The following INO80E variants were observed in gnomAD, a reference collection of about 807,000 sequenced individuals.
The protein encoded by INO80E is coiled-coil domain containing 95.
INO80E carries 20 observed loss-of-function variants against 27.3 expected under a neutral mutation model. The observed-to-expected ratio is 0.73, with a 90% CI of 0.51 to 1.06. INO80E has a LOEUF of 1.06. Ranked by LOEUF, INO80E falls within the 50% of genes least tolerant of loss-of-function variation. The pLI, the probability that INO80E is intolerant of heterozygous loss-of-function variation, is 0.00. For synonymous variants in INO80E, 167 were observed against 145.9 expected, an observed-to-expected ratio of 1.14 and a Z score of -1.04; for missense variants, 357 against 322.8, an observed-to-expected ratio of 1.11 and a Z score of -0.81.
rs1192832241 is a variant in INO80E, at chr16:29,996,529, C to T, written c.82-18C>T. On this transcript the variant is annotated intron_variant, in intron 1 of 6. Coordinates refer to ENST00000563197, the MANE Select transcript of INO80E (RefSeq NM_173618.3). ...ACGGAGGACCGTTGGCCCAGCGCAC[C>T]CCTTGCCCGTGATACAGGAGCACGA... 1 of 1,558,664 alleles carries T rather than the reference C, an allele frequency of 6.4e-7. No homozygotes were observed. Among genetic ancestry groups the T allele is most frequent in the Admixed American group, 1.9e-5 (1 of 51,580 alleles).
chr16:29,996,319 GC>G lies in INO80E; in HGVS notation c.11del (p.Pro4ArgfsTer15). 2 of 1,594,802 alleles carry G rather than the reference GC, an allele frequency of 1.3e-6. No homozygotes were observed. The highest frequency in any genetic ancestry group is 8.5e-7 in the Non-Finnish European group (1 of 1,170,828). MNG[P>X]ADGEVDYKKK... Reference sequence around the variant, plus strand: ...CCACTCCCGGGCCGGTCATGAACGGGCCGGCGGACGGCGAAGTGGACTACAA... The same window carrying G: ...CCACTCCCGGGCCGGTCATGAACGGGCGGCGGACGGCGAAGTGGACTACAA... On this transcript the variant is annotated frameshift_variant, in exon 1 of 7. Transcript: ENST00000563197. LOFTEE classifies it high-confidence loss of function.
At position 30,001,421 on chromosome 16, in the gene INO80E, C is replaced by G. The variant is rs777046345; in HGVS notation, c.404C>G (p.Ser135Cys). ...CCCCGCTCCCGCCCGCAGCTGGCCT[C>G]CTCCCGCTACCCCCCATTCCCTTCT... ...VPSPYLSSLA[S>C]SRYPPFPSDY... Residue 135 changes from serine (S) to cysteine (C), a missense_variant, in exon 6 of 7, where the codon TCC (serine) becomes TGC (cysteine). By Grantham distance (112) the Ser-to-Cys change is moderately radical. Transcript: ENST00000563197. 6.3e-7 allele frequency: 1 copy of G among 1,598,692 alleles called. No individual in the cohort carries two copies. Among genetic ancestry groups the G allele is most frequent in the Non-Finnish European group, 8.5e-7 (1 of 1,171,898 alleles).
At chr16:30,001,743 G>A in intron 6 of INO80E, 1 of 537,432 alleles carries the variant, frequency 1.9e-6, no homozygotes, top group Non-Finnish European at 3.3e-6. Context: ...GACCCGGTGT[G>A]CAGATGCCAG....
chr16:29,999,568 G>A (rs2070270025), intron 3 of INO80E: 1 of 152,238 alleles, frequency 6.6e-6, no homozygotes, highest in African/African-American at 2.4e-5. Context: ...CTTCTTAAAG[G>A]GTCTGTCTGA....
intron 6 of INO80E, chr16:30,002,924 C>T (rs1596679058): frequency 6.6e-6 from 1 of 152,322 alleles, no homozygotes; most frequent in African/African-American, 2.4e-5. Context: ...GTCTGGAGTA[C>T]AGGATCTGGA....
intron 3 of INO80E, among the ~76,000 whole-genome samples, chr16:29,997,328 G>A (rs1344935283): frequency 3.3e-5 from 5 of 152,012 alleles, no homozygotes; most frequent in Admixed American, 6.5e-5. Context: ...AGTAGCAGCC[G>A]TACCCCATAG....
At chr16:30,000,579 G>T (rs1259162739) in intron 3 of INO80E, among the ~76,000 whole-genome samples, 179 bp from the exon 4 acceptor site, 1 of 152,176 alleles carries the variant, frequency 6.6e-6, no homozygotes, top group Non-Finnish European at 1.5e-5. Flanking sequence ...TGTCCAGGCT[G>T]CTCTTGAACT....
chr16:30,000,631 C>A, intron 3 of INO80E, 127 bp from the exon 4 acceptor site: 1 of 717,838 alleles, frequency 1.4e-6, no homozygotes, highest in Non-Finnish European at 2.4e-6. Context: ...TCTCACAGTG[C>A]TGGGATTCCA....
Position 29,996,821 on chromosome 16 carries a change from C to A in INO80E, c.166C>A (p.Arg56=). 1 of 1,614,124 alleles carries A rather than the reference C, an allele frequency of 6.2e-7. No homozygotes were observed. Among genetic ancestry groups the A allele is most frequent in the South Asian group, 1.1e-5 (1 of 91,078 alleles). Residue 56 remains arginine (R), a synonymous_variant, in exon 3 of 7, where the codon CGA becomes AGA. Coordinates refer to ENST00000563197, the MANE Select transcript of INO80E (RefSeq NM_173618.3). ...VSRDKSFLLD[R]LLQYENVDED... The stretch of plus-strand genomic sequence containing the variant: ...CCCTCCCCTCAGTTTCCTCCTAGAC[C>A]GACTTCTGCAGTACGAGAACGTGGA...
At position 29,996,802 on chromosome 16, in the gene INO80E, C is replaced by T; in HGVS notation, c.153-6C>T. On this transcript the variant is annotated splice_polypyrimidine_tract_variant and splice_region_variant and intron_variant, in intron 2 of 6. Coordinates refer to ENST00000563197, the MANE Select transcript of INO80E (RefSeq NM_173618.3). ...TCACTGTCCGTGTCTCCTTCCCTCC[C>T]CTCAGTTTCCTCCTAGACCGACTTC... 1.2e-6 allele frequency: 2 copies of T among 1,614,010 alleles called. No homozygotes were observed. Among genetic ancestry groups the T allele is most frequent in the Non-Finnish European group, 1.7e-6 (2 of 1,179,930 alleles).
At chr16:30,005,078 G>C in intron 6 of INO80E, 143 bp from the exon 7 acceptor site, 2 of 874,270 alleles carry the variant, frequency 2.3e-6, no homozygotes, top group Non-Finnish European at 3.3e-6. Context: ...AGGGGGGCAG[G>C]CCCTGAGTGC....
At chr16:29,999,044 CAAAAAA>C (rs539871845) in intron 3 of INO80E, among the ~76,000 whole-genome samples, 1 of 123,560 alleles carries the variant, frequency 8.1e-6, no homozygotes, top group Non-Finnish European at 1.7e-5. Context: ...GACTCCGTCT[CAAAAAA>C]AAAAAAAAGC....
Position 29,996,337 on chromosome 16 carries a change from G to T in INO80E, c.27G>T (p.Val9=). ...TGAACGGGCCGGCGGACGGCGAAGT[G>T]GACTACAAAAAAAAATACCGGAATC... MNGPADGE[V]DYKKKYRNLK... The change falls in exon 1 of 7, where the codon GTG becomes GTT. Residue 9 remains valine (V), a synonymous_variant. Transcript: ENST00000563197. 6.3e-7 allele frequency: 1 copy of T among 1,598,110 alleles called. No individual in the cohort carries two copies. Among genetic ancestry groups the T allele is most frequent in the Non-Finnish European group, 8.5e-7 (1 of 1,172,498 alleles).
Position 30,001,285 on chromosome 16 carries a change from C to T in INO80E, c.397-129C>T, listed in dbSNP as rs975084939. ...TGCTGCTGCCCGGCCCTTCTGTGCT[C>T]GGGAGCCCCGGGAGCCGCACTCATC... On this transcript the variant is annotated intron_variant, in intron 5 of 6. Transcript: ENST00000563197. The T allele has an allele frequency of 1.7e-5, 25 of 1,489,718 alleles. No homozygotes were observed. In the East Asian group the frequency reaches 3.0e-4, roughly 18 times the overall value. 92.3% of individuals were successfully genotyped at this position (1,489,718 alleles called of 1,614,324 possible).
intron 3 of INO80E, among the ~76,000 whole-genome samples, chr16:30,000,300 G>A (rs1050756940): frequency 6.6e-6 from 1 of 152,128 alleles, no homozygotes; most frequent in South Asian, 2.1e-4. Flanking sequence ...GGGACAGCTC[G>A]AGTGTGTGGT....
At chr16:30,001,139 A>G in intron 5 of INO80E, 99 bp downstream of exon 5, 1 of 1,472,870 alleles carries the variant, frequency 6.8e-7, no homozygotes, top group Middle Eastern at 1.8e-4. Context: ...AACTTTGGGG[A>G]CATCTGTCTG....
chr16:30,002,136 G>A (rs8058765), intron 6 of INO80E: 18,996 of 152,462 alleles, frequency 0.12, 1,955 homozygotes, highest in African/African-American at 0.28. Flanking sequence ...GCATGGGGAC[G>A]CCAGGGGGAC....
In INO80E at chr16:30,000,837, G is replaced by A. The variant is rs1279333815; in HGVS notation, c.284+1G>A. ...TGTCTGACACACCGGCCCCTAAGAG[G>A]TGAGAAGAAGATGCATTCCTCTCGC... On this transcript the variant is annotated splice_donor_variant, in intron 4 of 6. Transcript: ENST00000563197. LOFTEE classifies it high-confidence loss of function. The A allele has an allele frequency of 6.2e-7, 1 of 1,614,064 alleles. No homozygotes were observed. Among genetic ancestry groups the A allele is most frequent in the Admixed American group, 1.7e-5 (1 of 60,024 alleles).
intron 3 of INO80E, among the ~76,000 whole-genome samples, chr16:29,998,950 C>T (rs998722773): frequency 2.0e-5 from 3 of 151,628 alleles, no homozygotes; most frequent in African/African-American, 4.9e-5. Flanking sequence ...GAGGCTGAGG[C>T]AGAAGAATGG....
Sources: gnomAD v4.1 joint callset for allele counts (sites outside exome capture counted in the v4.1 genomes callset) on GRCh38, gnomAD v4.1.1 for gene constraint, MANE v1.5 for transcripts, NCBI Gene and HGNC (gene_info 2026-07-23, HGNC 2026-07-21) for gene names.